The following PRR5L variants were observed in gnomAD, a reference collection of about 807,000 sequenced individuals.
PRR5L encodes the protein proline-rich protein 5-like.
In PRR5L, 21 loss-of-function variants were observed where a neutral mutation model predicts 36.4. That is an observed-to-expected ratio of 0.58 (90% CI 0.41 to 0.83). The LOEUF is 0.83. PRR5L is among the 40% of genes least tolerant of loss of function. The pLI is 0.00. For missense variants in PRR5L, 381 were observed against 473.3 expected, an observed-to-expected ratio of 0.80 and a Z score of 1.81; for synonymous variants, 188 against 197.0, an observed-to-expected ratio of 0.95 and a Z score of 0.38.
intron 1 of PRR5L, among the ~76,000 whole-genome samples, chr11:36,364,355 G>T (rs1426832258): frequency 3.3e-5 from 5 of 152,182 alleles, no homozygotes; most frequent in Admixed American, 2.6e-4. Flanking sequence ...TCATTAGATA[G>T]AGGGAATGAA....
intron 1 of PRR5L, among the ~76,000 whole-genome samples, chr11:36,308,699 A>G (rs1325220456): frequency 6.6e-6 from 1 of 152,214 alleles, no homozygotes; most frequent in East Asian, 1.9e-4. Flanking sequence ...CTTGGGACAC[A>G]GTACACTTCC....
intron 1 of PRR5L, among the ~76,000 whole-genome samples, chr11:36,359,996 C>T (rs1857068260): frequency 6.6e-6 from 1 of 151,664 alleles, no homozygotes; most frequent in Non-Finnish European, 1.5e-5. Context: ...GAGATCATGC[C>T]ACTGCACTCC....
At position 36,338,813 on chromosome 11, in the gene PRR5L, G is replaced by A. The variant is rs1288360328; in HGVS notation, c.-126+42375G>A. Among the ~76,000 whole-genome samples the A allele has an allele frequency of 3.9e-5, 6 of 152,212 alleles. 1 individual carries two copies. In the South Asian group the frequency reaches 6.2e-4, roughly 16 times the overall value. On this transcript the variant is annotated intron_variant, in intron 1 of 8. Coordinates refer to ENST00000530639, the MANE Select transcript of PRR5L (RefSeq NM_001160167.2). ...GTGATCTTGGCTCACTGCGACCTCC[G>A]TGGTATGGTTTGGCTGTGCCCCACC...
intron 1 of PRR5L, among the ~76,000 whole-genome samples, chr11:36,349,314 A>G (rs1856903126): frequency 6.7e-6 from 1 of 148,840 alleles, no homozygotes; most frequent in Admixed American, 6.7e-5. Context: ...TGAAGATTTC[A>G]AAAACTGTTG....
chr11:36,357,768 G>C (rs1347293746), intron 1 of PRR5L, among the ~76,000 whole-genome samples: 2 of 152,142 alleles, frequency 1.3e-5, no homozygotes, highest in African/African-American at 4.8e-5. Flanking sequence ...TAGTCACCCA[G>C]AAGTTGTGAT....
At chr11:36,363,864 C>A (rs1206700762) in intron 1 of PRR5L, among the ~76,000 whole-genome samples, 5 of 152,244 alleles carry the variant, frequency 3.3e-5, no homozygotes, top group Admixed American at 3.3e-4. Flanking sequence ...ACCAGGAAAT[C>A]TAAATTGAAC....
intron 1 of PRR5L, among the ~76,000 whole-genome samples, chr11:36,378,438 T>C (rs1857314633): frequency 6.6e-6 from 1 of 152,158 alleles, no homozygotes; most frequent in Non-Finnish European, 1.5e-5. Context: ...TGTCTTCAGT[T>C]TTTCCAACTG....
chr11:36,355,548 C>CTTTT (rs1041820581), intron 1 of PRR5L, among the ~76,000 whole-genome samples: 2,150 of 126,992 alleles, frequency 0.017, 50 homozygotes, highest in East Asian at 0.064. Flanking sequence ...CTTTGCTTTG[C>CTTTT]TTTTTTTTTT....
chr11:36,319,538 A>G (rs1353792693), intron 1 of PRR5L, among the ~76,000 whole-genome samples: 1 of 152,222 alleles, frequency 6.6e-6, no homozygotes, highest in African/African-American at 2.4e-5. Flanking sequence ...CTACCATTGG[A>G]GTACAAAAGC....
intron 1 of PRR5L, among the ~76,000 whole-genome samples, chr11:36,374,114 CTCTCTCTCTT>C (rs1352882791): frequency 5.5e-5 from 8 of 145,254 alleles, no homozygotes; most frequent in East Asian, 4.3e-4. Flanking sequence ...TCCTCTCTCT[CTCTCTCTCTT>C]TCTTTCTTTG....
intron 3 of PRR5L, 83 bp from the exon 4 acceptor site, chr11:36,419,172 C>T (rs1222191952): frequency 9.2e-6 from 12 of 1,298,300 alleles, no homozygotes; most frequent in African/African-American, 4.4e-5. Context: ...GGCCCCACCC[C>T]GTGCCACTGG....
At chr11:36,359,148 G>A (rs747209134) in intron 1 of PRR5L, among the ~76,000 whole-genome samples, 20 of 152,160 alleles carry the variant, frequency 1.3e-4, no homozygotes, top group African/African-American at 4.6e-4. Flanking sequence ...ACTTCATGTC[G>A]CTGAGCCTCA....
chr11:36,308,288 T>C (rs556197789), intron 1 of PRR5L, among the ~76,000 whole-genome samples: 108 of 152,340 alleles, frequency 7.1e-4, no homozygotes, highest in Middle Eastern at 3.4e-3. Flanking sequence ...AAATTGATTA[T>C]TGAGGATGGA....
At chr11:36,298,241 T>C (rs1165456463) in intron 1 of PRR5L, among the ~76,000 whole-genome samples, 1 of 152,218 alleles carries the variant, frequency 6.6e-6, no homozygotes, top group Non-Finnish European at 1.5e-5. Context: ...ACCAGTTTTG[T>C]AGATGACACT....
intron 1 of PRR5L, among the ~76,000 whole-genome samples, chr11:36,319,682 CTTTTTTT>C (rs10565468): frequency 7.1e-6 from 1 of 140,818 alleles, no homozygotes; most frequent in Admixed American, 7.0e-5. Context: ...ACTAAATTTC[CTTTTTTT>C]TTTTTTTTTG....
chr11:36,354,417 A>T (rs1199031670), intron 1 of PRR5L, among the ~76,000 whole-genome samples: 1 of 152,200 alleles, frequency 6.6e-6, no homozygotes, highest in African/African-American at 2.4e-5. Context: ...AGCTTTAGCC[A>T]TCTGGCTGTC....
chr11:36,403,343 A>C lies in PRR5L; in HGVS notation c.210A>C (p.Gln70His), dbSNP rs2133560641. The part of the protein sequence containing the change: ...VINVFKGGGL[Q>H]SNELYALNEN... ...ACGTTTTCAAAGGGGGTGGCTTGCA[A>C]AGCAACGAGCTCTATGCCCTGAACG... The change falls in exon 3 of 9, where the codon CAA (glutamine) becomes CAC (histidine). Residue 70 changes from glutamine to histidine, a missense_variant. Coordinates refer to ENST00000530639, the MANE Select transcript of PRR5L (RefSeq NM_001160167.2). 3 of 1,614,140 alleles carry C rather than the reference A, an allele frequency of 1.9e-6. No individual in the cohort carries two copies. Among genetic ancestry groups the C allele is most frequent in the Non-Finnish European group, 2.5e-6 (3 of 1,180,006 alleles).
intron 1 of PRR5L, among the ~76,000 whole-genome samples, chr11:36,302,509 G>A (rs942088303): frequency 6.6e-6 from 1 of 151,742 alleles, no homozygotes; most frequent in African/African-American, 2.4e-5. Flanking sequence ...GGCTCAGCTG[G>A]GTGCGGGGGC....
chr11:36,316,383 T>C (rs1222663391), intron 1 of PRR5L, among the ~76,000 whole-genome samples: 1 of 152,004 alleles, frequency 6.6e-6, no homozygotes, highest in Non-Finnish European at 1.5e-5. Flanking sequence ...GGAGAAAGAG[T>C]AATTCATGCA....
Sources: gnomAD v4.1 joint callset for allele counts (sites outside exome capture counted in the v4.1 genomes callset) on GRCh38, gnomAD v4.1.1 for gene constraint, MANE v1.5 for transcripts, NCBI Gene and HGNC (gene_info 2026-07-23, HGNC 2026-07-21) for gene names.